Variants in DLG2 observed in about 807,000 individuals in gnomAD.
The protein encoded by DLG2 is discs large MAGUK scaffold protein 2.
In DLG2, 45 loss-of-function variants were observed where a neutral mutation model predicts 132.5. That is an observed-to-expected ratio of 0.34 (90% CI 0.27 to 0.44). The LOEUF is 0.44. Among genes scored for constraint, DLG2 ranks in the 20% least tolerant of loss-of-function variants. DLG2 has a pLI of 1.00. For missense variants in DLG2, 1,045 were observed against 1,196.9 expected (o/e 0.87, Z 1.87); for synonymous variants, 424 against 419.6 (o/e 1.01, Z -0.13).
intron 3 of DLG2, among the ~76,000 whole-genome samples, chr11:85,408,444 G>C (rs1223349981): frequency 1.3e-5 from 2 of 151,164 alleles, no homozygotes; most frequent in African/African-American, 2.4e-5. Context: ...TGTGCACAAT[G>C]TGCTGGTTAG....
chr11:84,477,756 A>G (rs1370612975), intron 7 of DLG2, among the ~76,000 whole-genome samples: 1 of 152,198 alleles, frequency 6.6e-6, no homozygotes, highest in Non-Finnish European at 1.5e-5. Flanking sequence ...GAGAATATGA[A>G]CATTGTCATG....
intron 6 of DLG2, among the ~76,000 whole-genome samples, chr11:84,733,957 G>T (rs1047559224): frequency 2.0e-5 from 3 of 152,062 alleles, no homozygotes; most frequent in Non-Finnish European, 4.4e-5. Context: ...TAGATATGTG[G>T]TATTATTTCT....
intron 3 of DLG2, among the ~76,000 whole-genome samples, chr11:85,424,393 G>A (rs552882797): frequency 8.5e-5 from 13 of 152,184 alleles, no homozygotes; most frequent in South Asian, 4.2e-4. Flanking sequence ...ATGCTGCTCT[G>A]TCCATCCAAG....
intron 7 of DLG2, among the ~76,000 whole-genome samples, chr11:84,444,807 T>TA (rs1439348614): frequency 2.0e-5 from 3 of 152,054 alleles, no homozygotes; most frequent in East Asian, 3.9e-4. Flanking sequence ...TATACTTTTT[T>TA]TTTTTTTTTT....
intron 7 of DLG2, among the ~76,000 whole-genome samples, chr11:84,418,910 T>C (rs7928038): frequency 0.16 from 23,798 of 152,226 alleles, 3,535 homozygotes; most frequent in African/African-American, 0.39. Flanking sequence ...TATTCTCTAT[T>C]TTTAGACTGG....
At chr11:83,875,978 C>T (rs1260642903) in intron 15 of DLG2, among the ~76,000 whole-genome samples, 3 of 152,174 alleles carry the variant, frequency 2.0e-5, no homozygotes, top group Non-Finnish European at 4.4e-5. Flanking sequence ...GACTGTGTTT[C>T]CTGGTATCCC....
At chr11:85,261,620 G>T (rs72950109) in intron 4 of DLG2, among the ~76,000 whole-genome samples, 13,754 of 152,090 alleles carry the variant, frequency 0.09, 809 homozygotes, top group African/African-American at 0.16. Flanking sequence ...GTAAAACTGG[G>T]GTATAGCAGA....
chr11:83,812,535 T>G (rs1394816167), intron 17 of DLG2, among the ~76,000 whole-genome samples: 2 of 152,188 alleles, frequency 1.3e-5, no homozygotes, highest in African/African-American at 4.8e-5. Flanking sequence ...ATGAAGCACT[T>G]ATGATGTTTC....
intron 17 of DLG2, among the ~76,000 whole-genome samples, chr11:83,820,572 TG>T (rs1486563815): frequency 1.4e-4 from 22 of 152,306 alleles, no homozygotes; most frequent in African/African-American, 5.3e-4. Flanking sequence ...CAGAGTGATT[TG>T]TCTCATCTTT....
At position 83,469,303 on chromosome 11, in the gene DLG2, T is replaced by G; in HGVS notation, c.2517A>C (p.Gln839His). 6.2e-7 allele frequency: 1 copy of G among 1,613,886 alleles called. No individual in the cohort carries two copies. The highest frequency in any genetic ancestry group is 8.5e-7 in the Non-Finnish European group (1 of 1,179,864). The change falls in exon 25 of 28, where the codon CAA becomes CAC. Residue 839 changes from glutamine (Q) to histidine (H), a missense_variant. By Grantham distance (24) the Gln-to-His change is conservative. Transcript: ENST00000376104. ...RDYHFVISRE[Q>H]MEKDIQEHKF... ...TGTGCTCTTGGATATCTTTCTCCAT[T>G]TGTTCTCTGGAAATGACAAAGTGAT... is the stretch of plus-strand genomic sequence containing the variant.
intron 2 of DLG2, among the ~76,000 whole-genome samples, chr11:85,606,924 C>A (rs1177837401): frequency 6.6e-6 from 1 of 152,276 alleles, no homozygotes. Flanking sequence ...TCAGAAGGAA[C>A]AAACTCTGGA....
chr11:84,741,667 T>G (rs2064695451), intron 6 of DLG2, among the ~76,000 whole-genome samples: 1 of 151,780 alleles, frequency 6.6e-6, no homozygotes, highest in Non-Finnish European at 1.5e-5. Flanking sequence ...ATGAATATCT[T>G]TCCCTATGAA....
chr11:83,616,360 T>C (rs1368609433), intron 19 of DLG2, among the ~76,000 whole-genome samples: 1 of 152,234 alleles, frequency 6.6e-6, no homozygotes, highest in Non-Finnish European at 1.5e-5. Flanking sequence ...TGAGACTCTC[T>C]ACATGTTCAC....
intron 7 of DLG2, among the ~76,000 whole-genome samples, chr11:84,478,651 C>G (rs2099128343): frequency 6.6e-6 from 1 of 152,042 alleles, no homozygotes. Context: ...GAAGGAAACC[C>G]TGTAGAGTAA....
intron 15 of DLG2, among the ~76,000 whole-genome samples, chr11:83,880,144 C>T (rs1056572940): frequency 2.0e-5 from 3 of 152,092 alleles, no homozygotes; most frequent in Non-Finnish European, 4.4e-5. Flanking sequence ...AATGAATACC[C>T]TGCCAAGGTC....
At chr11:84,879,370 T>C (rs898466347) in intron 6 of DLG2, among the ~76,000 whole-genome samples, 1 of 152,186 alleles carries the variant, frequency 6.6e-6, no homozygotes, top group African/African-American at 2.4e-5. Flanking sequence ...AGATAATTCT[T>C]GGCTTTCAGA....
chr11:85,460,804 G>A (rs968447313), intron 3 of DLG2, among the ~76,000 whole-genome samples: 1 of 152,188 alleles, frequency 6.6e-6, no homozygotes, highest in East Asian at 1.9e-4. Context: ...GCAAGTTCCT[G>A]CTTTGAAAAA....
chr11:83,602,813 AC>A lies in DLG2; in HGVS notation c.1940+30397del, dbSNP rs542713918. Among the ~76,000 whole-genome samples, 136 of 152,354 alleles carry A rather than the reference AC, an allele frequency of 8.9e-4. 1 individual carries two copies. The South Asian group carries it at 9.1e-3, about 10-fold the overall frequency. ...TGGTGACAAGGATGTGATATTGCTG[AC>A]AAAATTAGTTTATCATTTTTTATTC... On this transcript the variant is annotated intron_variant, in intron 19 of 27. Coordinates refer to ENST00000376104, the MANE Select transcript of DLG2 (RefSeq NM_001142699.3).
chr11:84,356,226 T>A (rs1161262361), intron 7 of DLG2, among the ~76,000 whole-genome samples: 1 of 152,156 alleles, frequency 6.6e-6, no homozygotes, highest in East Asian at 1.9e-4. Flanking sequence ...CAAATGTACA[T>A]AATAAAGACC....
Sources: gnomAD v4.1 joint callset for allele counts (sites outside exome capture counted in the v4.1 genomes callset) on GRCh38, gnomAD v4.1.1 for gene constraint, MANE v1.5 for transcripts, NCBI Gene and HGNC (gene_info 2026-07-23, HGNC 2026-07-21) for gene names.